Variants in MGAT4C observed in about 807,000 individuals in gnomAD.
MGAT4C encodes alpha-1,3-mannosyl-glycoprotein 4-beta-N-acetylglucosaminyltransferase C.
MGAT4C carries 19 observed loss-of-function variants against 40.1 expected under a neutral mutation model. That is an observed-to-expected ratio of 0.47 (90% CI 0.33 to 0.70). The LOEUF is 0.70. Among genes scored for constraint, MGAT4C ranks in the 30% least tolerant of loss-of-function variants. MGAT4C has a pLI of 0.02. For missense variants in MGAT4C, 491 were observed against 563.2 expected, an observed-to-expected ratio of 0.87 and a Z score of 1.30; for synonymous variants, 181 against 187.1, an observed-to-expected ratio of 0.97 and a Z score of 0.27.
chr12:86,092,954 C>T (rs199919390), intron 1 of MGAT4C, among the ~76,000 whole-genome samples: 1 of 151,998 alleles, frequency 6.6e-6, no homozygotes, highest in Admixed American at 6.6e-5. Context: ...TTGCTTCTCC[C>T]ATCAACCGGT....
At chr12:86,703,706 T>C (rs1353764762) in intron 2 of MGAT4C, among the ~76,000 whole-genome samples, 1 of 152,200 alleles carries the variant, frequency 6.6e-6, no homozygotes, top group Non-Finnish European at 1.5e-5. Flanking sequence ...TATTGTGATA[T>C]TCACTTTATT....
chr12:86,736,595 G>A (rs1341020864), intron 1 of MGAT4C, among the ~76,000 whole-genome samples: 1 of 151,550 alleles, frequency 6.6e-6, no homozygotes, highest in African/African-American at 2.4e-5. Flanking sequence ...CAAACACCCA[G>A]GACTGACTCT....
chr12:86,302,943 C>A (rs560453424), intron 4 of MGAT4C, among the ~76,000 whole-genome samples: 1 of 150,584 alleles, frequency 6.6e-6, no homozygotes, highest in Non-Finnish European at 1.5e-5. Flanking sequence ...ACAAGTTTTA[C>A]CTTGAGGAAA....
chr12:86,557,881 G>T (rs994236912), intron 2 of MGAT4C, among the ~76,000 whole-genome samples: 1 of 151,830 alleles, frequency 6.6e-6, no homozygotes, highest in African/African-American at 2.4e-5. Flanking sequence ...CTAATGGAAA[G>T]GAAATATATG....
At chr12:86,603,507 T>C (rs1457856042) in intron 2 of MGAT4C, among the ~76,000 whole-genome samples, 1 of 22,346 alleles carries the variant, frequency 4.5e-5, no homozygotes, top group Non-Finnish European at 1.3e-4. Context: ...ATACTATATA[T>C]AGTCTATAGT....
intron 3 of MGAT4C, among the ~76,000 whole-genome samples, chr12:86,404,222 G>C (rs998277711): frequency 3.3e-5 from 5 of 152,070 alleles, no homozygotes; most frequent in African/African-American, 1.2e-4. Context: ...CTTGGTGCAA[G>C]AGCATTTAAT....
At chr12:86,330,498 T>C (rs1021984360) in intron 4 of MGAT4C, among the ~76,000 whole-genome samples, 1 of 152,204 alleles carries the variant, frequency 6.6e-6, no homozygotes, top group African/African-American at 2.4e-5. Context: ...GGCATACATA[T>C]GGCATTTAAT....
chr12:86,526,039 T>C (rs1167617159), intron 2 of MGAT4C, among the ~76,000 whole-genome samples: 1 of 152,212 alleles, frequency 6.6e-6, no homozygotes, highest in Non-Finnish European at 1.5e-5. Flanking sequence ...CAGTGGTGGA[T>C]ACAATAAATG....
chr12:86,538,844 T>G (rs1031904421), intron 2 of MGAT4C, among the ~76,000 whole-genome samples: 1 of 151,996 alleles, frequency 6.6e-6, no homozygotes, highest in Admixed American at 6.6e-5. Context: ...TCTGACCTCC[T>G]GATCTGCCCG....
intron 1 of MGAT4C, among the ~76,000 whole-genome samples, chr12:86,108,826 A>T (rs1876690990): frequency 6.6e-6 from 1 of 152,106 alleles, no homozygotes; most frequent in African/African-American, 2.4e-5. Flanking sequence ...TGTTTAGCCA[A>T]CCTGTTCAGC....
chr12:86,022,164 G>A (rs764101944), intron 2 of MGAT4C, among the ~76,000 whole-genome samples: 2 of 152,164 alleles, frequency 1.3e-5, no homozygotes, highest in Admixed American at 6.5e-5. Flanking sequence ...CACAATGACT[G>A]CAATTTAATA....
intron 2 of MGAT4C, among the ~76,000 whole-genome samples, chr12:86,608,984 A>T (rs1286729436): frequency 6.6e-6 from 1 of 152,164 alleles, no homozygotes; most frequent in Non-Finnish European, 1.5e-5. Context: ...TAGAGATGAA[A>T]GCATAGAGAA....
At chr12:86,707,142 A>G (rs185319845) in intron 2 of MGAT4C, among the ~76,000 whole-genome samples, 1 of 152,306 alleles carries the variant, frequency 6.6e-6, no homozygotes, top group Admixed American at 6.5e-5. Flanking sequence ...GTGAAAACTG[A>G]CTAATATGGT....
At chr12:86,404,627 G>A (rs1202712642) in intron 3 of MGAT4C, among the ~76,000 whole-genome samples, 1 of 152,050 alleles carries the variant, frequency 6.6e-6, no homozygotes, top group Non-Finnish European at 1.5e-5. Flanking sequence ...CCAGTACTGT[G>A]ATAGAAGGAA....
intron 1 of MGAT4C, among the ~76,000 whole-genome samples, chr12:86,814,558 C>A (rs1371635500): frequency 2.0e-5 from 3 of 151,714 alleles, no homozygotes; most frequent in East Asian, 3.9e-4. Context: ...AATTCCAATT[C>A]TCTTATAATT....
At chr12:86,118,714 T>C (rs934481321) in intron 1 of MGAT4C, among the ~76,000 whole-genome samples, 41 of 152,280 alleles carry the variant, frequency 2.7e-4, no homozygotes, top group Admixed American at 7.2e-4. Context: ...AAAAGGATGG[T>C]TTATACTGAC....
At chr12:86,272,420 T>A (rs1435866983) in intron 4 of MGAT4C, among the ~76,000 whole-genome samples, 3 of 152,216 alleles carry the variant, frequency 2.0e-5, no homozygotes, top group Non-Finnish European at 4.4e-5. Flanking sequence ...GTAGAATTGT[T>A]ATTTTTTTAA....
intron 2 of MGAT4C, among the ~76,000 whole-genome samples, chr12:86,600,852 A>C (rs2136459192): frequency 6.6e-6 from 1 of 152,310 alleles, no homozygotes; most frequent in Middle Eastern, 3.4e-3. Flanking sequence ...GGGCCGGGAA[A>C]GCCCCCGCCT....
intron 1 of MGAT4C, among the ~76,000 whole-genome samples, chr12:86,750,294 T>C (rs1008313591): frequency 4.0e-5 from 6 of 151,814 alleles, no homozygotes; most frequent in South Asian, 2.1e-4. Flanking sequence ...AGTCCCTACA[T>C]AGATGAGGCT....
Sources: allele counts gnomAD v4.1 joint callset (sites outside exome capture counted in the v4.1 genomes callset), GRCh38; gene constraint gnomAD v4.1.1; transcripts MANE v1.5; gene names NCBI Gene and HGNC (gene_info 2026-07-23, HGNC 2026-07-21).